LRRC40: variants seen among roughly 807,000 people sequenced by gnomAD.
LRRC40 encodes the protein leucine-rich repeat-containing protein 40.
Under a neutral mutation model 72.8 loss-of-function variants are expected in LRRC40, and 76 were observed. The ratio of observed to expected loss-of-function variants is 1.04; its 90% confidence interval spans 0.87 to 1.26. LRRC40 has a LOEUF of 1.26. Among genes scored for constraint, LRRC40 ranks in the 50% most tolerant of loss-of-function variants. The pLI, the probability that LRRC40 is intolerant of heterozygous loss-of-function variation, is 0.00. For missense variants in LRRC40, 684 were observed against 698.9 expected, an observed-to-expected ratio of 0.98 and a Z score of 0.24; for synonymous variants, 243 against 254.2, an observed-to-expected ratio of 0.96 and a Z score of 0.42.
intron 3 of LRRC40, 78 bp from the exon 4 acceptor site, chr1:70,184,992 C>A: frequency 8.1e-7 from 1 of 1,231,550 alleles, no homozygotes; most frequent in South Asian, 1.4e-5. Context: ...TCTTGCTAAC[C>A]AATGACACTG....
intron 1 of LRRC40, among the ~76,000 whole-genome samples, chr1:70,202,070 G>A (rs1410766520): frequency 6.6e-6 from 1 of 152,166 alleles, no homozygotes; most frequent in Non-Finnish European, 1.5e-5. Context: ...TGATAAGAAT[G>A]TGGAGCAGAG....
intron 1 of LRRC40, among the ~76,000 whole-genome samples, chr1:70,197,085 A>G (rs1218193807): frequency 6.6e-6 from 1 of 152,182 alleles, no homozygotes; most frequent in African/African-American, 2.4e-5. Context: ...ATTCAATAGG[A>G]TAGCTACTAG....
At chr1:70,196,290 C>T (rs1668608160) in intron 1 of LRRC40, among the ~76,000 whole-genome samples, 1 of 152,028 alleles carries the variant, frequency 6.6e-6, no homozygotes, top group South Asian at 2.1e-4. Context: ...TGGCTCATGC[C>T]CATAATTGCA....
At position 70,150,148 on chromosome 1, in the gene LRRC40, A is replaced by T. The variant is rs540179712; in HGVS notation, c.1517+980T>A. Among the ~76,000 whole-genome samples the T allele has an allele frequency of 2.6e-5, 4 of 152,170 alleles. No individual in the cohort carries two copies. The South Asian group carries it at 8.3e-4, about 32-fold the overall frequency. On this transcript the variant is annotated intron_variant, in intron 13 of 14. Coordinates refer to ENST00000370952, the MANE Select transcript of LRRC40 (RefSeq NM_017768.5). ...CGGCCAGGCTGGTCTCAAACTCCTG[A>T]CCTCAGGTGATCCGCCCACCTCGGC... is the stretch of plus-strand genomic sequence containing the variant.
intron 13 of LRRC40, among the ~76,000 whole-genome samples, chr1:70,149,334 G>A (rs1667404243): frequency 6.6e-6 from 1 of 152,156 alleles, no homozygotes; most frequent in Admixed American, 6.5e-5. Context: ...GAGAGCTTTG[G>A]CCTTTTCATT....
chr1:70,200,622 A>G (rs939885128), intron 1 of LRRC40, among the ~76,000 whole-genome samples: 23 of 152,326 alleles, frequency 1.5e-4, no homozygotes, highest in African/African-American at 5.3e-4. Flanking sequence ...CACTTATGAG[A>G]CTATGAATTG....
intron 3 of LRRC40, among the ~76,000 whole-genome samples, chr1:70,186,672 T>C (rs534347529): frequency 6.6e-6 from 1 of 152,320 alleles, no homozygotes; most frequent in Middle Eastern, 3.4e-3. Context: ...ATAGCCTATG[T>C]CTATATAACA....
chr1:70,149,082 G>C (rs1422803321), intron 13 of LRRC40, among the ~76,000 whole-genome samples: 1 of 152,114 alleles, frequency 6.6e-6, no homozygotes, highest in Non-Finnish European at 1.5e-5. Context: ...TGCTTTGACT[G>C]AGGCTTCTAA....
Position 70,175,797 on chromosome 1 carries a change from T to C in LRRC40, c.977+13A>G. The stretch of plus-strand genomic sequence containing the variant: ...ACAAACACAATTTCTATTCATTTGA[T>C]ATTTAAACTTACCTACTAATATCAT... On this transcript the variant is annotated intron_variant, in intron 7 of 14. Coordinates refer to ENST00000370952, the MANE Select transcript of LRRC40 (RefSeq NM_017768.5). 4 of 1,501,808 alleles carry C rather than the reference T, an allele frequency of 2.7e-6. No individual in the cohort carries two copies. The South Asian group carries it at 3.9e-5, about 14-fold the overall frequency. 93.0% of individuals were successfully genotyped at this position (1,501,808 alleles called of 1,614,324 possible). A position where few individuals can be genotyped will look rare whatever the true frequency, so the allele number is the denominator to read the frequency against.
intron 14 of LRRC40, among the ~76,000 whole-genome samples, chr1:70,146,444 A>G (rs1021666692): frequency 6.6e-6 from 1 of 152,232 alleles, no homozygotes; most frequent in Admixed American, 6.5e-5. Flanking sequence ...ATTTATATTC[A>G]GTCACTCTTA....
chr1:70,167,875 A>G (rs531175306), intron 9 of LRRC40, among the ~76,000 whole-genome samples: 1 of 152,288 alleles, frequency 6.6e-6, no homozygotes, highest in Admixed American at 6.5e-5. Context: ...TCAGCCTCCC[A>G]AAGTGCTGGG....
At chr1:70,163,953 A>C (rs973732130) in intron 9 of LRRC40, among the ~76,000 whole-genome samples, 3 of 152,086 alleles carry the variant, frequency 2.0e-5, no homozygotes, top group Non-Finnish European at 4.4e-5. Context: ...TTTATTTCTC[A>C]CAATTGTGAA....
intron 1 of LRRC40, among the ~76,000 whole-genome samples, chr1:70,196,386 T>C (rs1354133852): frequency 6.6e-6 from 1 of 151,904 alleles, no homozygotes; most frequent in Non-Finnish European, 1.5e-5. Flanking sequence ...TTCGTCTCTA[T>C]TAAAAACAAA....
At chr1:70,153,504 C>T (rs997982575) in intron 11 of LRRC40, among the ~76,000 whole-genome samples, 1 of 151,802 alleles carries the variant, frequency 6.6e-6, no homozygotes, top group Non-Finnish European at 1.5e-5. Context: ...ACTGATAAAA[C>T]TTGATAAAAC....
intron 10 of LRRC40, among the ~76,000 whole-genome samples, chr1:70,157,739 C>G (rs866126172): frequency 5.3e-5 from 8 of 152,064 alleles, no homozygotes; most frequent in African/African-American, 1.9e-4. Context: ...TGATACCTAG[C>G]ACAGAATGTG....
intron 3 of LRRC40, among the ~76,000 whole-genome samples, 161 bp downstream of exon 3, chr1:70,187,104 C>A (rs542588595): frequency 6.6e-6 from 1 of 151,308 alleles, no homozygotes; most frequent in Non-Finnish European, 1.5e-5. Context: ...AAAAAACATA[C>A]AAACTAAGAA....
At chr1:70,150,414 C>T (rs1558107598) in intron 13 of LRRC40, among the ~76,000 whole-genome samples, 1 of 152,020 alleles carries the variant, frequency 6.6e-6, no homozygotes, top group Non-Finnish European at 1.5e-5. Flanking sequence ...AACACAGTAA[C>T]AGAACCTACC....
chr1:70,163,714 G>C (rs1667815547), intron 9 of LRRC40, among the ~76,000 whole-genome samples: 1 of 152,178 alleles, frequency 6.6e-6, no homozygotes, highest in Admixed American at 6.5e-5. Flanking sequence ...TCATTATTAT[G>C]TCTATCAAAG....
chr1:70,156,110 C>T (rs1667630997), intron 10 of LRRC40, among the ~76,000 whole-genome samples: 2 of 152,016 alleles, frequency 1.3e-5, no homozygotes, highest in Non-Finnish European at 2.9e-5. Flanking sequence ...GGAGCCCATT[C>T]CTTTACCTCT....
Sources: allele counts gnomAD v4.1 joint callset (sites outside exome capture counted in the v4.1 genomes callset), GRCh38; gene constraint gnomAD v4.1.1; transcripts MANE v1.5; gene names NCBI Gene and HGNC (gene_info 2026-07-23, HGNC 2026-07-21).